The following LMF1 variants were observed in gnomAD, a reference collection of about 807,000 sequenced individuals.
The protein encoded by LMF1 is lipase maturation factor 1, also known as transmembrane protein 112.
In LMF1, 68 loss-of-function variants were observed where a neutral mutation model predicts 60.6. That is an observed-to-expected ratio of 1.12 (90% CI 0.92 to 1.37). LMF1 has a LOEUF of 1.37. Ranked by LOEUF, LMF1 falls within the 40% of genes most tolerant of loss-of-function variation. LMF1 has a pLI of 0.00. For missense variants in LMF1, 948 were observed against 767.2 expected, an observed-to-expected ratio of 1.24 and a Z score of -2.78; for synonymous variants, 418 against 324.7, an observed-to-expected ratio of 1.29 and a Z score of -3.09.
chr16:899,504 C>A (rs2070750909), intron 4 of LMF1: 1 of 152,216 alleles, frequency 6.6e-6, no homozygotes, highest in African/African-American at 2.4e-5. Context: ...TGCCCAGGAC[C>A]AGGGCGGGCC....
At chr16:877,356 G>A (rs560695225) in intron 6 of LMF1, among the ~76,000 whole-genome samples, 142 of 152,284 alleles carry the variant, frequency 9.3e-4, no homozygotes, top group Middle Eastern at 6.8e-3. Context: ...CGTGTCCTAC[G>A]GCCCGCAAGG....
At chr16:978,342 A>G (rs1303607093) in intron 1 of LMF1, among the ~76,000 whole-genome samples, 1 of 125,630 alleles carries the variant, frequency 8.0e-6, no homozygotes, top group Non-Finnish European at 1.7e-5. Flanking sequence ...TACATACCAT[A>G]CAAACACACA....
In LMF1 at chr16:962,222, C is replaced by T. The variant is rs1239153648; in HGVS notation, c.194-7556G>A. Among the ~76,000 whole-genome samples the T allele has an allele frequency of 7.0e-6, 1 of 142,646 alleles. No homozygotes were observed. Among genetic ancestry groups the T allele is most frequent in the Non-Finnish European group, 1.5e-5 (1 of 65,752 alleles). The allele number at this position is 142,646 out of a possible 152,430, so 93.6% of individuals were successfully genotyped here. ...CGACCCAGACACAGACTCACGGTGA[C>T]AGCATGGGATCACGACCCAGACACA... On this transcript the variant is annotated intron_variant, in intron 1 of 10. Transcript: ENST00000262301. The surrounding 1 kb of genome is among the most constrained non-coding windows in gnomAD (Gnocchi z 4.5).
chr16:905,738 AAGAAC>A (rs1465784934), intron 4 of LMF1, among the ~76,000 whole-genome samples: 1 of 145,096 alleles, frequency 6.9e-6, no homozygotes, highest in Non-Finnish European at 1.5e-5. Context: ...GTGTCTTTTG[AAGAAC>A]AGAAGACTTT....
At chr16:919,319 G>A (rs4984981) in intron 3 of LMF1, among the ~76,000 whole-genome samples, 46,230 of 151,852 alleles carry the variant, frequency 0.3, 9,121 homozygotes, top group African/African-American at 0.55. Context: ...CCTGAGAAGT[G>A]GGCGGGAATC....
At chr16:892,691 T>C (rs2070525037) in intron 5 of LMF1, among the ~76,000 whole-genome samples, 1 of 152,262 alleles carries the variant, frequency 6.6e-6, no homozygotes, top group Admixed American at 6.5e-5. Flanking sequence ...TGGGGAGCTG[T>C]GGACTCCAGG....
Position 903,016 on chromosome 16 carries a change from C to T in LMF1, c.663+7915G>A, listed in dbSNP as rs1391372108. ...GTGACCTCTGCACTGCCTGTGGGGA[C>T]GCCTGTCTCTGCTGTGTGGTGGTGA... is the stretch of plus-strand genomic sequence containing the variant. On this transcript the variant is annotated intron_variant, in intron 4 of 10. Coordinates refer to ENST00000262301, the MANE Select transcript of LMF1 (RefSeq NM_022773.4). Among the ~76,000 whole-genome samples, 4 of 64,832 alleles carry T rather than the reference C, an allele frequency of 6.2e-5. 1 individual carries two copies. Among genetic ancestry groups the T allele is most frequent in the Non-Finnish European group, 1.0e-4 (4 of 38,838 alleles). 42.5% of individuals were successfully genotyped at this position (64,832 alleles called of 152,430 possible). A position where few individuals can be genotyped will look rare whatever the true frequency, so the allele number is the denominator to read the frequency against.
At chr16:949,395 C>T (rs1320008442) in intron 2 of LMF1, among the ~76,000 whole-genome samples, 8 of 148,812 alleles carry the variant, frequency 5.4e-5, no homozygotes, top group East Asian at 4.1e-4. Flanking sequence ...TCAGAGACAA[C>T]GACAGAGTCA....
At chr16:953,920 A>G (rs138206499) in intron 2 of LMF1, among the ~76,000 whole-genome samples, 1 of 82,826 alleles carries the variant, frequency 1.2e-5, no homozygotes, top group South Asian at 5.3e-4. Context: ...CACCCACCCC[A>G]AACCAGCTTC....
At chr16:923,901 T>C (rs1286663601) in intron 3 of LMF1, among the ~76,000 whole-genome samples, 1 of 152,092 alleles carries the variant, frequency 6.6e-6, no homozygotes, top group African/African-American at 2.4e-5. Flanking sequence ...AACAACAGTA[T>C]TGGAAAGGGT....
chr16:957,714 C>T (rs757565834), intron 1 of LMF1, among the ~76,000 whole-genome samples: 15 of 152,158 alleles, frequency 9.9e-5, no homozygotes, highest in Admixed American at 4.6e-4. Context: ...ATCAAGACAG[C>T]GCAGTATTGA....
chr16:874,844 G>A lies in LMF1; in HGVS notation c.898-3503C>T, dbSNP rs1395731337. 6.6e-6 allele frequency among the ~76,000 whole-genome samples: 1 copy of A among 152,026 alleles called. No individual in the cohort carries two copies. Among genetic ancestry groups the A allele is most frequent in the Non-Finnish European group, 1.5e-5 (1 of 67,998 alleles). On this transcript the variant is annotated intron_variant, in intron 6 of 10. Coordinates refer to ENST00000262301, the MANE Select transcript of LMF1 (RefSeq NM_022773.4). The surrounding 1 kb of genome is among the most constrained non-coding windows in gnomAD (Gnocchi z 4.1). ...CGGCACAGGGGAGTACGCAGCCCCAGCCAGGACACTACAATGTTAGAGGGC... is the reference window on the plus strand; with the variant it reads ...CGGCACAGGGGAGTACGCAGCCCCAACCAGGACACTACAATGTTAGAGGGC...
chr16:899,887 G>A (rs1471401651), intron 4 of LMF1: 1 of 152,278 alleles, frequency 6.6e-6, no homozygotes, highest in Non-Finnish European at 1.5e-5. Context: ...ACACGTGGGA[G>A]GCACACGCCC....
In LMF1 at chr16:954,439, G is replaced by C; in HGVS notation, c.421C>G (p.Leu141Val). Residue 141 changes from leucine to valine, a missense_variant, in exon 2 of 11, where the codon CTG (leucine) becomes GTG (valine). Leu to Val is a conservative substitution (Grantham distance 32). Coordinates refer to ENST00000262301, the MANE Select transcript of LMF1 (RefSeq NM_022773.4). ...LLGLGISSFV[L>V]ITGCANMLLM... ...AGCATGTTGGCGCAGCCCGTGATCA[G>C]TACGAAAGACGAGATGCCCAGTCCG... 2 of 1,613,030 alleles carry C rather than the reference G, an allele frequency of 1.2e-6. No homozygotes were observed. Among genetic ancestry groups the C allele is most frequent in the Admixed American group, 1.7e-5 (1 of 59,936 alleles).
intron 1 of LMF1, among the ~76,000 whole-genome samples, chr16:959,106 G>A (rs906289778): frequency 1.3e-5 from 2 of 152,174 alleles, no homozygotes; most frequent in Admixed American, 1.3e-4. Context: ...TGCTCGCACA[G>A]AAGCCTCATG....
rs78945132 is a variant in LMF1 at position 952,901 on chromosome 16, A to C, written c.503+1456T>G. 3.8e-3 allele frequency among the ~76,000 whole-genome samples: 295 copies of C among 77,456 alleles called. 7 individuals carry two copies. The highest frequency in any genetic ancestry group is 0.013 in the Middle Eastern group (2 of 160). 50.8% of individuals were successfully genotyped at this position (77,456 alleles called of 152,430 possible). On this transcript the variant is annotated intron_variant, in intron 2 of 10. Coordinates refer to ENST00000262301, the MANE Select transcript of LMF1 (RefSeq NM_022773.4). ...CACATCCACACAGACACCCACCCCAAACCAGCCTCCTACACGTCCACACAG... is the reference window on the plus strand; with the variant it reads ...CACATCCACACAGACACCCACCCCACACCAGCCTCCTACACGTCCACACAG...
At chr16:974,313 G>C (rs576563230), upstream of LMF1, among the ~76,000 whole-genome samples, 34 of 152,280 alleles carry the variant, frequency 2.2e-4, no homozygotes, top group South Asian at 7.1e-3. Flanking sequence ...TCAGTGTCCT[G>C]TGACCACAGG....
chr16:891,010 C>T (rs892497681), intron 5 of LMF1, among the ~76,000 whole-genome samples: 1 of 152,220 alleles, frequency 6.6e-6, no homozygotes, highest in Non-Finnish European at 1.5e-5. Context: ...ACAGAGCACT[C>T]CTCACAAACA....
intron 1 of LMF1, among the ~76,000 whole-genome samples, chr16:960,610 A>G (rs373260527): frequency 0.056 from 1,427 of 25,474 alleles, 73 homozygotes; most frequent in African/African-American, 0.12. Flanking sequence ...CACGGTGACA[A>G]CACGGGATCA....
Sources: gnomAD v4.1 joint callset for allele counts (sites outside exome capture counted in the v4.1 genomes callset) on GRCh38, gnomAD v4.1.1 for gene constraint, Gnocchi (gnomAD v3.1) non-coding constraint, MANE v1.5 for transcripts, NCBI Gene and HGNC (gene_info 2026-07-23, HGNC 2026-07-21) for gene names.